MORC1: variants seen among roughly 807,000 people sequenced by gnomAD.
MORC1 encodes MORC family CW-type zinc finger 1, also known as MORC family CW-type zinc finger protein 1.
In MORC1, 59 loss-of-function variants were observed where a neutral mutation model predicts 134.9. The ratio of observed to expected loss-of-function variants is 0.44; its 90% CI spans 0.35 to 0.54. MORC1 has a LOEUF of 0.54. Ranked by LOEUF, MORC1 falls within the 20% of genes least tolerant of loss-of-function variation. MORC1 has a pLI of 0.00. For synonymous variants in MORC1, 395 were observed against 391.7 expected (o/e 1.01, Z -0.10); for missense variants, 947 against 1,134.5 (o/e 0.83, Z 2.37).
chr3:109,063,633 T>A (rs1248843466), intron 9 of MORC1, among the ~76,000 whole-genome samples: 1 of 152,178 alleles, frequency 6.6e-6, no homozygotes, highest in African/African-American at 2.4e-5. Context: ...AAAACAATTA[T>A]CTCTAACTGC....
Position 109,056,492 on chromosome 3 carries a change from G to A in MORC1, c.1175+851C>T, listed in dbSNP as rs923599274. ...TCCGCCCACCTCGGGCTCCCAAAGC[G>A]CTGGGATTACAGGCGTGAGCCACTG... On this transcript the variant is annotated intron_variant, in intron 13 of 27. Transcript: ENST00000232603. Among the ~76,000 whole-genome samples, 9 of 152,308 alleles carry A rather than the reference G, an allele frequency of 5.9e-5. No individual in the cohort carries two copies. In the East Asian group the frequency reaches 7.7e-4, roughly 13 times the overall value.
At chr3:109,047,075 T>C (rs1949711936) in intron 14 of MORC1, among the ~76,000 whole-genome samples, 1 of 152,248 alleles carries the variant, frequency 6.6e-6, no homozygotes, top group South Asian at 2.1e-4. Context: ...AATCTCAGCA[T>C]ATTACTTCAA....
chr3:108,996,859 A>T (rs1353549850), intron 21 of MORC1, among the ~76,000 whole-genome samples: 1 of 151,964 alleles, frequency 6.6e-6, no homozygotes, highest in African/African-American at 2.4e-5. Flanking sequence ...AAATAAAAAA[A>T]ATTAGCCGGG....
rs762552261 is a variant in MORC1 at position 108,979,508 on chromosome 3, T to C, written c.2477+7A>G. On this transcript the variant is annotated splice_region_variant and intron_variant, in intron 24 of 27. Transcript: ENST00000232603. ...GCATGTGGAAATATGTGAGTAAATA[T>C]CTTTACCTTAACTTAGACTTCAGTT... The C allele has an allele frequency of 1.9e-6, 3 of 1,613,526 alleles. No individual in the cohort carries two copies. The highest frequency in any genetic ancestry group is 1.1e-5 in the South Asian group (1 of 90,910).
At chr3:109,050,913 C>T (rs950145063) in intron 14 of MORC1, among the ~76,000 whole-genome samples, 1 of 152,100 alleles carries the variant, frequency 6.6e-6, no homozygotes, top group African/African-American at 2.4e-5. Context: ...TTGAATTCTT[C>T]TGGGAAACAT....
chr3:109,004,910 A>G (rs76427416), intron 19 of MORC1, 22 bp from the exon 20 acceptor site: 1 of 1,597,766 alleles, frequency 6.3e-7, no homozygotes, highest in Non-Finnish European at 8.5e-7. Context: ...GAGAATACAG[A>G]AAAAAAAATT....
intron 14 of MORC1, among the ~76,000 whole-genome samples, chr3:109,049,470 T>C (rs1009610468): frequency 1.8e-4 from 28 of 152,168 alleles, no homozygotes; most frequent in African/African-American, 5.5e-4. Flanking sequence ...CATGAAGTCA[T>C]AGAGAAAATA....
intron 16 of MORC1, among the ~76,000 whole-genome samples, chr3:109,031,580 G>A (rs1351330664): frequency 6.6e-6 from 1 of 152,164 alleles, no homozygotes; most frequent in Non-Finnish European, 1.5e-5. Context: ...GGGGATGAAC[G>A]CAGGTTAGGA....
chr3:108,974,498 C>T (rs1947493482), intron 24 of MORC1, among the ~76,000 whole-genome samples: 1 of 152,138 alleles, frequency 6.6e-6, no homozygotes, highest in Admixed American at 6.5e-5. Context: ...CTAGAACAGA[C>T]ACAGTGAGCC....
At chr3:108,995,902 A>C (rs1948189822) in intron 21 of MORC1, among the ~76,000 whole-genome samples, 1 of 152,300 alleles carries the variant, frequency 6.6e-6, no homozygotes, top group South Asian at 2.1e-4. Flanking sequence ...GTGGACCTTG[A>C]AACTCTCATG....
At chr3:109,008,457 T>C (rs1242101445) in intron 17 of MORC1, among the ~76,000 whole-genome samples, 1 of 151,220 alleles carries the variant, frequency 6.6e-6, no homozygotes, top group Non-Finnish European at 1.5e-5. Flanking sequence ...TATATATATA[T>C]ATATAATTAT....
chr3:109,019,527 T>C (rs936848405), intron 17 of MORC1, among the ~76,000 whole-genome samples: 2 of 150,536 alleles, frequency 1.3e-5, no homozygotes, highest in Non-Finnish European at 3.0e-5. Flanking sequence ...TATTCTTACA[T>C]TGTTTACGTC....
intron 21 of MORC1, among the ~76,000 whole-genome samples, chr3:108,999,861 A>C (rs1479295142): frequency 4.0e-5 from 6 of 148,744 alleles, no homozygotes; most frequent in Non-Finnish European, 9.1e-5. Flanking sequence ...CTAATGTGTA[A>C]ATTACTTTTA....
chr3:108,971,583 G>A (rs1343376889), intron 24 of MORC1, among the ~76,000 whole-genome samples, 181 bp from the exon 25 acceptor site: 2 of 152,112 alleles, frequency 1.3e-5, no homozygotes, highest in Non-Finnish European at 2.9e-5. Context: ...CATAGACTGG[G>A]GAGAGGAAGG....
At chr3:109,112,048 C>T (rs888005500) in intron 2 of MORC1, among the ~76,000 whole-genome samples, 2 of 152,154 alleles carry the variant, frequency 1.3e-5, no homozygotes, top group Non-Finnish European at 2.9e-5. Context: ...TATAATCATG[C>T]ATTATACAAA....
At chr3:108,979,387 A>G in intron 24 of MORC1, 128 bp downstream of exon 24, 1 of 1,018,034 alleles carries the variant, frequency 9.8e-7, no homozygotes, top group South Asian at 1.6e-5. Context: ...TAGTTAGGAG[A>G]CAAGTCATAA....
In MORC1 at chr3:109,103,863, C is replaced by T; in HGVS notation, c.209G>A (p.Cys70Tyr). 6.2e-7 allele frequency: 1 copy of T among 1,613,864 alleles called. No homozygotes were observed. Among genetic ancestry groups the T allele is most frequent in the Non-Finnish European group, 8.5e-7 (1 of 1,179,754 alleles). Reference protein sequence around the residue: ...GFMLCFLDDGCGMSPEEASDI... With the variant: ...GFMLCFLDDGYGMSPEEASDI... ...AATTAACTTACCAGGGCTCATGCCA[C>T]ATCCATCATCCAGGAAACACAACAT... The change falls in exon 4 of 28, where the codon TGT (cysteine) becomes TAT (tyrosine). Residue 70 changes from cysteine to tyrosine, a missense_variant. Physicochemically the swap from Cys to Tyr is radical, Grantham distance 194. Coordinates refer to ENST00000232603, the MANE Select transcript of MORC1 (RefSeq NM_014429.4).
chr3:109,006,702 A>G lies in MORC1; in HGVS notation c.1767+327T>C, dbSNP rs368173326. 6.6e-5 allele frequency among the ~76,000 whole-genome samples: 10 copies of G among 152,194 alleles called. 1 individual carries two copies. The highest frequency in any genetic ancestry group is 5.9e-4 in the Admixed American group (9 of 15,278). On this transcript the variant is annotated intron_variant, in intron 18 of 27. Transcript: ENST00000232603. ...ATGATATAGGAACTATATATACAAC[A>G]TATTTCTAGGCAAATTCACATCCAT...
intron 6 of MORC1, among the ~76,000 whole-genome samples, chr3:109,098,690 T>A (rs771029481): frequency 6.6e-6 from 1 of 152,194 alleles, no homozygotes; most frequent in Non-Finnish European, 1.5e-5. Flanking sequence ...TTGAGGAGCA[T>A]TCTTTTTAAA....
Sources: allele counts gnomAD v4.1 joint callset (sites outside exome capture counted in the v4.1 genomes callset), GRCh38; gene constraint gnomAD v4.1.1; transcripts MANE v1.5; gene names NCBI Gene and HGNC (gene_info 2026-07-23, HGNC 2026-07-21).